The following DOCK8 variants were observed in gnomAD, a reference collection of about 807,000 sequenced individuals.
DOCK8 encodes dedicator of cytokinesis 8, also known as dedicator of cytokinesis protein 8.
A neutral mutation model predicts 245.6 loss-of-function variants in DOCK8; 141 were observed. The ratio of observed to expected loss-of-function variants is 0.57; its 90% CI spans 0.50 to 0.66. The LOEUF (loss-of-function observed/expected upper bound fraction) is 0.66, where lower values mean the gene tolerates loss of function less well. Ranked by LOEUF, DOCK8 falls within the 30% of genes least tolerant of loss-of-function variation. The probability of loss-of-function intolerance (pLI) is 0.00; values close to 1 mark genes in which losing one functional copy is unlikely to be tolerated. For synonymous variants in DOCK8, 1,168 were observed against 970.2 expected, an observed-to-expected ratio of 1.20 and a Z score of -3.79; for missense variants, 2,965 against 2,603.4, an observed-to-expected ratio of 1.14 and a Z score of -3.02.
At position 221,805 on chromosome 9, in the gene DOCK8, G is replaced by A. The variant is rs962782183; in HGVS notation, c.53+6776G>A. ...CCACTGCACTCCAGCCTGGGTGACA[G>A]AGTGAGACTCTGTCTCATTAAAAAA... On this transcript the variant is annotated intron_variant, in intron 1 of 47. Coordinates refer to ENST00000432829, the MANE Select transcript of DOCK8 (RefSeq NM_203447.4). Among the ~76,000 whole-genome samples the A allele has an allele frequency of 9.9e-5, 15 of 151,364 alleles. No homozygotes were observed. In the East Asian group the frequency reaches 2.9e-3, roughly 29 times the overall value.
At chr9:222,843 C>G (rs1190144865) in intron 1 of DOCK8, among the ~76,000 whole-genome samples, 6 of 152,110 alleles carry the variant, frequency 3.9e-5, no homozygotes, top group African/African-American at 9.7e-5. Context: ...TTAAACTGTG[C>G]TTTTTACTTT....
At chr9:307,343 T>G (rs1586658533) in intron 5 of DOCK8, among the ~76,000 whole-genome samples, 3 of 5,718 alleles carry the variant, frequency 5.2e-4, no homozygotes, top group South Asian at 6.6e-3. Flanking sequence ...TTTTTGTTTT[T>G]TTTTTTTTTT....
intron 7 of DOCK8, among the ~76,000 whole-genome samples, chr9:324,801 T>A (rs2050683771): frequency 6.6e-6 from 1 of 152,242 alleles, no homozygotes; most frequent in South Asian, 2.1e-4. Flanking sequence ...TTCCTTAGAA[T>A]TGAATAATAC....
intron 46 of DOCK8, among the ~76,000 whole-genome samples, chr9:462,702 T>C (rs2057843801): frequency 6.6e-6 from 1 of 152,232 alleles, no homozygotes; most frequent in Admixed American, 6.5e-5. Context: ...TGGCACCTGG[T>C]GTTCCCCTTT....
intron 10 of DOCK8, 148 bp downstream of exon 10, chr9:332,626 G>T (rs528539562): frequency 1.2e-5 from 3 of 254,084 alleles, no homozygotes; most frequent in Non-Finnish European, 1.6e-5. Flanking sequence ...AAGAGGAAAA[G>T]AAAACTGGTC....
At chr9:250,544 C>T (rs1193320235) in intron 1 of DOCK8, among the ~76,000 whole-genome samples, 1 of 152,104 alleles carries the variant, frequency 6.6e-6, no homozygotes, top group African/African-American at 2.4e-5. Context: ...CATGTTTTTT[C>T]TTTAATGCTT....
At chr9:417,689 C>G (rs1586971383) in intron 29 of DOCK8, among the ~76,000 whole-genome samples, 1 of 152,070 alleles carries the variant, frequency 6.6e-6, no homozygotes, top group Non-Finnish European at 1.5e-5. Flanking sequence ...GTGATAATAG[C>G]TTATTATTCT....
At chr9:357,376 A>G (rs924612700) in intron 14 of DOCK8, among the ~76,000 whole-genome samples, 2 of 152,192 alleles carry the variant, frequency 1.3e-5, no homozygotes, top group Non-Finnish European at 2.9e-5. Flanking sequence ...TTGAAAAAGC[A>G]TGGATTGTTT....
chr9:426,140 C>T (rs575052507), intron 33 of DOCK8, among the ~76,000 whole-genome samples: 84 of 152,224 alleles, frequency 5.5e-4, no homozygotes, highest in African/African-American at 1.9e-3. Flanking sequence ...TACAGCTTCA[C>T]TTAGATTTCA....
At chr9:282,219 G>C (rs563613416) in intron 2 of DOCK8, among the ~76,000 whole-genome samples, 2 of 152,190 alleles carry the variant, frequency 1.3e-5, no homozygotes, top group East Asian at 1.9e-4. Context: ...TGTATCCCCA[G>C]TGGCCAACTC....
intron 12 of DOCK8, 50 bp from the exon 13 acceptor site, chr9:338,956 C>T (rs1428627195): frequency 6.6e-7 from 1 of 1,517,924 alleles, no homozygotes; most frequent in East Asian, 2.3e-5. Flanking sequence ...TTGTCCCCAA[C>T]CCAAGAGTCA....
chr9:426,957 G>C lies in DOCK8; in HGVS notation c.4314G>C (p.Leu1438=), dbSNP rs2056526797. 6.2e-7 allele frequency: 1 copy of C among 1,613,956 alleles called. No individual in the cohort carries two copies. Among genetic ancestry groups the C allele is most frequent in the Non-Finnish European group, 8.5e-7 (1 of 1,179,990 alleles). The stretch of plus-strand genomic sequence containing the variant: ...CTACAGAAGCACATTTAATCATCCT[G>C]GATATGCAGGAAAACATTATCCAGG... ...NLATEAHLII[L]DMQENIIQAS... is the part of the protein sequence containing the mutation. Residue 1438 remains leucine (L), a synonymous_variant, in exon 34 of 48, where the codon CTG becomes CTC. Transcript: ENST00000432829.
intron 39 of DOCK8, among the ~76,000 whole-genome samples, chr9:436,423 A>G (rs1296197295): frequency 1.3e-5 from 2 of 152,246 alleles, no homozygotes; most frequent in African/African-American, 4.8e-5. Context: ...ACTATCAAAA[A>G]TAAATATTAT....
chr9:314,242 A>G (rs961588920), intron 6 of DOCK8: 1 of 152,340 alleles, frequency 6.6e-6, no homozygotes, highest in Middle Eastern at 3.4e-3. Context: ...TTGTCAAAAC[A>G]TATTAAATCA....
intron 4 of DOCK8, among the ~76,000 whole-genome samples, chr9:300,644 T>C (rs2049499935): frequency 6.6e-6 from 1 of 150,540 alleles, no homozygotes; most frequent in Admixed American, 6.6e-5. Context: ...ATAAGCACAA[T>C]CAGAAATGAC....
intron 43 of DOCK8, among the ~76,000 whole-genome samples, chr9:444,333 G>A (rs1368627411): frequency 2.7e-5 from 1 of 37,074 alleles, no homozygotes; most frequent in Admixed American, 3.9e-4. Context: ...AGAAAACAAA[G>A]CAAATAATAA....
intron 20 of DOCK8, among the ~76,000 whole-genome samples, chr9:379,024 T>G (rs1276549642): frequency 1.3e-5 from 2 of 152,040 alleles, no homozygotes; most frequent in South Asian, 2.1e-4. Context: ...TATGATTTTG[T>G]GGATGGGAGT....
At chr9:303,488 C>T (rs1036531895) in intron 4 of DOCK8, among the ~76,000 whole-genome samples, 1 of 152,024 alleles carries the variant, frequency 6.6e-6, no homozygotes, top group Non-Finnish European at 1.5e-5. Context: ...GGTTTTTTTG[C>T]AGCAACATGG....
intron 14 of DOCK8, among the ~76,000 whole-genome samples, chr9:341,863 C>T (rs943504261): frequency 6.6e-6 from 1 of 152,136 alleles, no homozygotes; most frequent in Admixed American, 6.6e-5. Flanking sequence ...CCTGTCAGAT[C>T]AGCAGTGACA....
Sources: allele counts gnomAD v4.1 joint callset (sites outside exome capture counted in the v4.1 genomes callset), GRCh38; gene constraint gnomAD v4.1.1; transcripts MANE v1.5; gene names NCBI Gene and HGNC (gene_info 2026-07-23, HGNC 2026-07-21).